Variants in SIPA1L3 observed in about 807,000 individuals in gnomAD.
SIPA1L3 encodes the protein signal induced proliferation associated 1 like 3.
A neutral mutation model predicts 150.1 loss-of-function variants in SIPA1L3; 59 were observed. The observed-to-expected ratio is 0.39, with a 90% confidence interval of 0.32 to 0.49. SIPA1L3 has a LOEUF of 0.49. Ranked by LOEUF, SIPA1L3 falls within the 20% of genes least tolerant of loss-of-function variation. SIPA1L3 has a pLI of 0.86. For synonymous variants in SIPA1L3, 1,070 were observed against 1,077.6 expected (o/e 0.99, Z 0.14); for missense variants, 2,211 against 2,489.5 (o/e 0.89, Z 2.38).
intron 1 of SIPA1L3, among the ~76,000 whole-genome samples, chr19:37,996,332 C>G (rs183601177): frequency 6.6e-6 from 1 of 152,160 alleles, no homozygotes; most frequent in African/African-American, 2.4e-5. Context: ...CACAAATGAT[C>G]CTTCCTCCTC....
intron 16 of SIPA1L3, chr19:38,186,325 A>G (rs976380409): frequency 6.6e-6 from 1 of 151,600 alleles, no homozygotes; most frequent in Admixed American, 6.6e-5. Flanking sequence ...TTATTTATTT[A>G]TTTTTGAGAT....
At chr19:38,016,664 T>C (rs932428839) in intron 1 of SIPA1L3, among the ~76,000 whole-genome samples, 1 of 152,050 alleles carries the variant, frequency 6.6e-6, no homozygotes, top group African/African-American at 2.4e-5. Flanking sequence ...AGCTAACTTT[T>C]GTATTTTTAG....
chr19:38,071,265 C>T (rs190031304), intron 2 of SIPA1L3, among the ~76,000 whole-genome samples: 44 of 151,826 alleles, frequency 2.9e-4, no homozygotes, highest in Middle Eastern at 3.4e-3. Flanking sequence ...ATCTATCTAT[C>T]TGCCTGCCTA....
intron 16 of SIPA1L3, among the ~76,000 whole-genome samples, chr19:38,183,807 G>C (rs1162996855): frequency 6.6e-6 from 1 of 152,150 alleles, no homozygotes; most frequent in African/African-American, 2.4e-5. Flanking sequence ...CGGAGGCGGA[G>C]AGGTGCGGAG....
chr19:37,908,570 C>T (rs2046354251), intron 1 of SIPA1L3, among the ~76,000 whole-genome samples: 1 of 151,102 alleles, frequency 6.6e-6, no homozygotes. Context: ...TTGCACAAGG[C>T]CCGGCACACA....
At chr19:38,072,767 G>A (rs1969751778) in intron 2 of SIPA1L3, among the ~76,000 whole-genome samples, 1 of 152,254 alleles carries the variant, frequency 6.6e-6, no homozygotes, top group East Asian at 1.9e-4. Flanking sequence ...AGGAGTCCTG[G>A]CGACAGGGAA....
chr19:37,942,289 G>A (rs1441071828), intron 1 of SIPA1L3, among the ~76,000 whole-genome samples: 2 of 151,906 alleles, frequency 1.3e-5, no homozygotes, highest in African/African-American at 4.8e-5. Flanking sequence ...AGTCAGGAAA[G>A]CAGAATGGCG....
chr19:38,013,638 A>G (rs1182768976), intron 1 of SIPA1L3, among the ~76,000 whole-genome samples: 1 of 152,364 alleles, frequency 6.6e-6, no homozygotes, highest in East Asian at 1.9e-4. Context: ...GTAACCATGT[A>G]ATTTTTCATA....
chr19:37,921,229 C>T (rs775408200), intron 1 of SIPA1L3, among the ~76,000 whole-genome samples: 3 of 152,214 alleles, frequency 2.0e-5, no homozygotes, highest in Admixed American at 6.5e-5. Context: ...CCTTTACGGC[C>T]GGCCGGCGTG....
chr19:38,187,605 T>G (rs1353663199), intron 16 of SIPA1L3, among the ~76,000 whole-genome samples: 1 of 147,986 alleles, frequency 6.8e-6, no homozygotes, highest in Non-Finnish European at 1.5e-5. Flanking sequence ...TAGTCCCAGC[T>G]ACTCGGGAGG....
chr19:38,099,963 T>G lies in SIPA1L3; in HGVS notation c.1667T>G (p.Leu556Arg). Residue 556 changes from leucine (L) to arginine (R), a missense_variant and splice_region_variant, in exon 5 of 22, where the codon CTC (leucine) becomes CGC (arginine). Leu to Arg is a moderately radical substitution (Grantham distance 102). Transcript: ENST00000222345. ...CCTTCCCTTCTCTCCCTTGAGTAGC[T>G]CATCACCCTGCGGGGCTCCATCCTG... ...QYRIIFRTRELITLRGSILED... is the reference protein window; with the variant it reads ...QYRIIFRTRERITLRGSILED... 6.2e-7 allele frequency: 1 copy of G among 1,600,752 alleles called. No individual in the cohort carries two copies. The highest frequency in any genetic ancestry group is 8.5e-7 in the Non-Finnish European group (1 of 1,175,610).
intron 2 of SIPA1L3, among the ~76,000 whole-genome samples, chr19:38,050,524 C>T (rs1199840464): frequency 2.6e-5 from 4 of 152,200 alleles, no homozygotes; most frequent in Non-Finnish European, 4.4e-5. Flanking sequence ...CAATTATTAT[C>T]ACTATCACCG....
At chr19:38,175,805 G>A (rs1349071110) in intron 15 of SIPA1L3, among the ~76,000 whole-genome samples, 1 of 152,210 alleles carries the variant, frequency 6.6e-6, no homozygotes, top group Non-Finnish European at 1.5e-5. Flanking sequence ...TGGGAGCCAG[G>A]ATTGGAACTG....
intron 1 of SIPA1L3, among the ~76,000 whole-genome samples, chr19:38,010,865 C>T (rs1968080737): frequency 6.6e-6 from 1 of 152,094 alleles, no homozygotes; most frequent in Non-Finnish European, 1.5e-5. Flanking sequence ...ATAACACAAC[C>T]TTCTTCCAAG....
At chr19:37,922,453 G>T (rs2046464877) in intron 1 of SIPA1L3, among the ~76,000 whole-genome samples, 2 of 150,832 alleles carry the variant, frequency 1.3e-5, no homozygotes. Context: ...GAGTGCAGTG[G>T]TGCGATCTTG....
intron 9 of SIPA1L3, among the ~76,000 whole-genome samples, chr19:38,121,744 AAAAT>A (rs1033226669): frequency 2.1e-5 from 3 of 140,140 alleles, no homozygotes; most frequent in Admixed American, 1.4e-4. Flanking sequence ...GTCTCAAAAA[AAAAT>A]AAATAAACAA....
intron 1 of SIPA1L3, among the ~76,000 whole-genome samples, chr19:37,968,134 C>T (rs1263280121): frequency 3.3e-5 from 4 of 120,534 alleles, no homozygotes; most frequent in South Asian, 2.9e-4. Flanking sequence ...AGTGCAGTGG[C>T]GCGATCTCAG....
intron 2 of SIPA1L3, among the ~76,000 whole-genome samples, chr19:38,034,147 G>A (rs1654372): frequency 0.7 from 105,766 of 151,980 alleles, 37,588 homozygotes; most frequent in Middle Eastern, 0.84. Flanking sequence ...AAGGAAGGTG[G>A]CAAATGTTAT....
intron 16 of SIPA1L3, among the ~76,000 whole-genome samples, chr19:38,189,689 C>T (rs1379839844): frequency 2.0e-5 from 3 of 152,090 alleles, no homozygotes; most frequent in Non-Finnish European, 2.9e-5. Flanking sequence ...TTGCTTGAAC[C>T]TGGGAGGCGG....
Sources: gnomAD v4.1 joint callset for allele counts (sites outside exome capture counted in the v4.1 genomes callset) on GRCh38, gnomAD v4.1.1 for gene constraint, MANE v1.5 for transcripts, NCBI Gene and HGNC (gene_info 2026-07-23, HGNC 2026-07-21) for gene names.